The following FCRL5 variants were observed in gnomAD, a reference collection of about 807,000 sequenced individuals.
FCRL5 encodes the protein Fc receptor-like protein 5.
FCRL5 carries 79 observed loss-of-function variants against 92.1 expected under a neutral mutation model. That is an observed-to-expected ratio of 0.86 (90% CI 0.72 to 1.03). FCRL5 has a LOEUF of 1.03. FCRL5 is among the 50% of genes least tolerant of loss of function. The pLI is 0.00. For missense variants in FCRL5, 1,160 were observed against 1,181.1 expected, an observed-to-expected ratio of 0.98 and a Z score of 0.26; for synonymous variants, 466 against 469.3, an observed-to-expected ratio of 0.99 and a Z score of 0.09.
At chr1:157,539,987 G>C (rs184276774) in intron 6 of FCRL5, among the ~76,000 whole-genome samples, 4 of 152,196 alleles carry the variant, frequency 2.6e-5, no homozygotes, top group African/African-American at 9.7e-5. Context: ...GAGAAGGCAG[G>C]GAGCTGAATC....
intron 8 of FCRL5, chr1:157,532,166 T>G (rs1479163315): frequency 1.3e-5 from 2 of 152,188 alleles, no homozygotes; most frequent in Non-Finnish European, 2.9e-5. Flanking sequence ...TATGAGAGTT[T>G]CTGTTTCCTC....
At chr1:157,524,154 G>T in intron 10 of FCRL5, 125 bp downstream of exon 10, 2 of 954,406 alleles carry the variant, frequency 2.1e-6, no homozygotes, top group East Asian at 2.6e-5. Context: ...TCTGCAGGCA[G>T]GAAGTGTGCT....
At chr1:157,543,245 G>T in intron 5 of FCRL5, 108 bp from the exon 6 acceptor site, 2 of 1,117,212 alleles carry the variant, frequency 1.8e-6, no homozygotes, top group Non-Finnish European at 2.5e-6. Flanking sequence ...TTAACTTGCT[G>T]CCATCAGAAC....
In FCRL5 at chr1:157,515,758, G is replaced by A; in HGVS notation, c.2851C>T (p.Pro951Ser). 1.2e-6 allele frequency: 2 copies of A among 1,613,990 alleles called. No individual in the cohort carries two copies. The highest frequency in any genetic ancestry group is 1.7e-6 in the Non-Finnish European group (2 of 1,179,940). ...ACCTTAACTTCAGAGTAGATGATAGGGGAACCCTAGGAGGCAAGAGCACAT... is the reference window on the plus strand; with the variant it reads ...ACCTTAACTTCAGAGTAGATGATAGAGGAACCCTAGGAGGCAAGAGCACAT... ...DPRHLRNKGS[P>S]IIYSEVKVAS... Residue 951 changes from proline to serine, a missense_variant, in exon 17 of 17, where the codon CCT (proline) becomes TCT (serine). Transcript: ENST00000361835.
At chr1:157,541,394 C>T (rs1011679390) in intron 6 of FCRL5, among the ~76,000 whole-genome samples, 1 of 152,222 alleles carries the variant, frequency 6.6e-6, no homozygotes, top group African/African-American at 2.4e-5. Flanking sequence ...CCCAGATTGC[C>T]CTGCAAAATA....
At chr1:157,532,494 GA>G (rs1381198612) in intron 8 of FCRL5, 2 of 152,054 alleles carry the variant, frequency 1.3e-5, no homozygotes, top group Non-Finnish European at 2.9e-5. Flanking sequence ...ATAATCATGA[GA>G]AAATGATTGT....
intron 8 of FCRL5, 141 bp from the exon 9 acceptor site, chr1:157,528,036 C>T: frequency 1.0e-6 from 1 of 957,130 alleles, no homozygotes; most frequent in Non-Finnish European, 1.5e-6. Context: ...TGTTGCTGTT[C>T]ACTGATGACA....
rs1651864002 is a variant in FCRL5 at position 157,552,419 on chromosome 1, C to T, written c.-57G>A. 1 of 1,591,332 alleles carries T rather than the reference C, an allele frequency of 6.3e-7. No individual in the cohort carries two copies. ...AAGAGAAGTTTCCTCAATTCCAAAA[C>T]AGGTTTGGACTTGATCTTACAGTCA... On this transcript the variant is annotated 5_prime_UTR_variant, in exon 1 of 17. Coordinates refer to ENST00000361835, the MANE Select transcript of FCRL5 (RefSeq NM_031281.3).
At chr1:157,523,125 T>C (rs1476853725) in intron 10 of FCRL5, among the ~76,000 whole-genome samples, 2 of 152,220 alleles carry the variant, frequency 1.3e-5, no homozygotes, top group African/African-American at 4.8e-5. Flanking sequence ...CATGCCCAGA[T>C]CAACCTGCTT....
Position 157,524,394 on chromosome 1 carries a change from T to C in FCRL5, c.2124A>G (p.Gly708=), listed in dbSNP as rs778816433. 1.9e-6 allele frequency: 3 copies of C among 1,614,100 alleles called. No homozygotes were observed. In the Admixed American group the frequency reaches 5.0e-5, roughly 27 times the overall value. The change falls in exon 10 of 17, where the codon GGA becomes GGG. Residue 708 remains glycine (G), a synonymous_variant. Transcript: ENST00000361835. ...VTLGKISAPS[G]GGASFNLSLT... is the part of the protein sequence containing the mutation. ...GAGAGAGGTTGAAGGAGGCCCCTCC[T>C]CCAGAGGGGGCTGAGATCTTACCCA...
At position 157,543,013 on chromosome 1, in the gene FCRL5, A is replaced by G. The variant is rs762675273; in HGVS notation, c.969T>C (p.His323=). 5.0e-6 allele frequency: 8 copies of G among 1,614,242 alleles called. No individual in the cohort carries two copies. Among genetic ancestry groups the G allele is most frequent in the Admixed American group, 1.7e-5 (1 of 60,034 alleles). The change falls in exon 6 of 17, where the codon CAT becomes CAC. Residue 323 remains histidine (H), a synonymous_variant. Transcript: ENST00000361835. ...ACTTGTGCCTCAGGGGGACACCCTC[A>G]TGATAAAACCTGTACAAAGTGCGCA... ...DSLRTLYRFY[H]EGVPLRHKSV... is the part of the protein sequence containing the mutation.
rs1649889326 is a variant in FCRL5 at position 157,515,712 on chromosome 1, C to T, written c.2897G>A (p.Gly966Glu). Residue 966 changes from glycine (G) to glutamate (E), a missense_variant, in exon 17 of 17, where the codon GGA becomes GAA. Gly to Glu is a moderately conservative substitution (Grantham distance 98). Coordinates refer to ENST00000361835, the MANE Select transcript of FCRL5 (RefSeq NM_031281.3). Reference sequence around the variant, plus strand: ...AGCTGAGGAAGCCAAGAACAGGGATCCGGAAACCGGGGTTGACGCCACCTT... The same window carrying T: ...AGCTGAGGAAGCCAAGAACAGGGATTCGGAAACCGGGGTTGACGCCACCTT... ...EVKVASTPVS[G>E]SLFLASSAPH... 2 of 1,614,144 alleles carry T rather than the reference C, an allele frequency of 1.2e-6. No individual in the cohort carries two copies. The highest frequency in any genetic ancestry group is 1.7e-6 in the Non-Finnish European group (2 of 1,180,022).
intron 2 of FCRL5, among the ~76,000 whole-genome samples, chr1:157,548,640 T>A (rs936203791): frequency 6.6e-6 from 1 of 152,192 alleles, no homozygotes; most frequent in Non-Finnish European, 1.5e-5. Context: ...GAACAGACAC[T>A]TCTCAAAAGA....
intron 9 of FCRL5, among the ~76,000 whole-genome samples, chr1:157,526,942 G>A (rs1218410543): frequency 6.6e-6 from 1 of 152,148 alleles, no homozygotes; most frequent in African/African-American, 2.4e-5. Flanking sequence ...ATGGTGTTAA[G>A]GGGATTATAC....
Position 157,515,623 on chromosome 1 carries a change from G to C in FCRL5, c.*52C>G. The C allele has an allele frequency of 5.0e-6, 8 of 1,614,050 alleles. No homozygotes were observed. The highest frequency in any genetic ancestry group is 1.1e-5 in the South Asian group (1 of 90,998). On this transcript the variant is annotated 3_prime_UTR_variant, in exon 17 of 17. Transcript: ENST00000361835. ...CACTTCAATGCTGCTTCTCCCCCAA[G>C]GGGAACTTTGGGGTGCAGAGGCTGA...
chr1:157,528,047 T>G, intron 8 of FCRL5, 152 bp from the exon 9 acceptor site: 2 of 863,562 alleles, frequency 2.3e-6, no homozygotes, highest in East Asian at 5.4e-5. Flanking sequence ...ACTGATGACA[T>G]GATTGTATAC....
intron 15 of FCRL5, among the ~76,000 whole-genome samples, chr1:157,517,873 G>C (rs1649999637): frequency 6.6e-6 from 1 of 152,266 alleles, no homozygotes; most frequent in Non-Finnish European, 1.5e-5. Flanking sequence ...TGGAGCCTTT[G>C]GGTGACAATT....
At chr1:157,517,826 G>T (rs1176028539) in intron 15 of FCRL5, among the ~76,000 whole-genome samples, 1 of 152,148 alleles carries the variant, frequency 6.6e-6, no homozygotes, top group Non-Finnish European at 1.5e-5. Flanking sequence ...AAATGTATGG[G>T]TTAAAACCTA....
At chr1:157,542,764 T>C (rs1397965470) in intron 6 of FCRL5, 95 bp downstream of exon 6, 3 of 1,407,458 alleles carry the variant, frequency 2.1e-6, no homozygotes, top group Non-Finnish European at 2.9e-6. Flanking sequence ...AGAAAGAAAC[T>C]GAGGATACTG....
Sources: allele counts gnomAD v4.1 joint callset (sites outside exome capture counted in the v4.1 genomes callset), GRCh38; gene constraint gnomAD v4.1.1; transcripts MANE v1.5; gene names NCBI Gene and HGNC (gene_info 2026-07-23, HGNC 2026-07-21).